The following MAEL variants were observed in gnomAD, a reference collection of about 807,000 sequenced individuals.
The protein encoded by MAEL is protein maelstrom homolog.
A neutral mutation model predicts 62.0 loss-of-function variants in MAEL; 46 were observed. The ratio of observed to expected loss-of-function variants is 0.74; its 90% confidence interval spans 0.59 to 0.95. MAEL has a LOEUF of 0.95. MAEL is among the 40% of genes least tolerant of loss of function. The probability of loss-of-function intolerance (pLI) is 0.00; values close to 1 mark genes in which losing one functional copy is unlikely to be tolerated. For missense variants in MAEL, 497 were observed against 526.8 expected, an observed-to-expected ratio of 0.94 and a Z score of 0.55; for synonymous variants, 172 against 175.5, an observed-to-expected ratio of 0.98 and a Z score of 0.16.
intron 5 of MAEL, among the ~76,000 whole-genome samples, chr1:167,001,981 A>G (rs1664690607): frequency 2.0e-5 from 3 of 152,144 alleles, no homozygotes; most frequent in African/African-American, 7.2e-5. Flanking sequence ...AGGTTTTGCC[A>G]TGTTGGCCAG....
rs552672216 is a variant in MAEL, at chr1:166,993,941, T to C, written c.482-87T>C. 9.6e-6 allele frequency: 9 copies of C among 938,880 alleles called. No individual in the cohort carries two copies. In the South Asian group the frequency reaches 1.3e-4, roughly 14 times the overall value. The allele number at this position is 938,880 out of a possible 1,614,324, so 58.2% of individuals were successfully genotyped here. A position where few individuals can be genotyped will look rare whatever the true frequency, so the allele number is the denominator to read the frequency against. On this transcript the variant is annotated intron_variant, in intron 4 of 11. Coordinates refer to ENST00000367872, the MANE Select transcript of MAEL (RefSeq NM_032858.3). ...ATGTAATAAAAATTACCTTTCTGTG[T>C]GATAACTTGGTCATCTTGTAGAGTA... is the stretch of plus-strand genomic sequence containing the variant.
chr1:166,993,943 A>C, intron 4 of MAEL, 85 bp from the exon 5 acceptor site: 1 of 965,494 alleles, frequency 1.0e-6, no homozygotes, highest in South Asian at 1.6e-5. Context: ...TTTCTGTGTG[A>C]TAACTTGGTC....
intron 2 of MAEL, chr1:166,990,055 C>A (rs2102067979): frequency 2.0e-6 from 1 of 495,172 alleles, no homozygotes. Context: ...GGTGAAAGGC[C>A]TGGGGAATTC....
chr1:167,017,284 TAAAA>T (rs1665436026), intron 9 of MAEL, among the ~76,000 whole-genome samples: 2 of 152,166 alleles, frequency 1.3e-5, no homozygotes, highest in South Asian at 2.1e-4. Flanking sequence ...TCATAAAAAA[TAAAA>T]ATAAAGGTGG....
chr1:167,021,914 A>T lies in MAEL; in HGVS notation c.*59A>T. 8.9e-7 allele frequency: 1 copy of T among 1,118,278 alleles called. No homozygotes were observed. The highest frequency in any genetic ancestry group is 1.3e-6 in the Non-Finnish European group (1 of 760,546). 69.3% of individuals were successfully genotyped at this position (1,118,278 alleles called of 1,614,324 possible). On this transcript the variant is annotated 3_prime_UTR_variant, in exon 12 of 12. Transcript: ENST00000367872. ...ACAGGCCCAACTTCCTTCTTACTACAGTCATATTAAACAGATCACATCAAT... is the reference window on the plus strand; with the variant it reads ...ACAGGCCCAACTTCCTTCTTACTACTGTCATATTAAACAGATCACATCAAT...
intron 4 of MAEL, among the ~76,000 whole-genome samples, chr1:166,993,090 C>A (rs1297613836): frequency 6.6e-6 from 1 of 152,122 alleles, no homozygotes; most frequent in Non-Finnish European, 1.5e-5. Context: ...CAATTCATAG[C>A]CTGCTATTCA....
chr1:167,012,661 A>G (rs1665216853), intron 8 of MAEL: 1 of 152,276 alleles, frequency 6.6e-6, no homozygotes, highest in Non-Finnish European at 1.5e-5. Context: ...AGAAGAATGT[A>G]TAGAAAAGTA....
At chr1:166,988,947 TTGGCATAAAGC>T (rs2102065106), upstream of MAEL, 1 of 183,248 alleles carries the variant, frequency 5.5e-6, no homozygotes, top group African/African-American at 2.3e-5. Flanking sequence ...TTCACAGTGC[TTGGCATAAAGC>T]TGGCTGGCCC....
At position 166,994,087 on chromosome 1, in the gene MAEL, G is replaced by A. The variant is rs1163805078; in HGVS notation, c.523+18G>A. The A allele has an allele frequency of 6.2e-7, 1 of 1,609,172 alleles. No individual in the cohort carries two copies. Among genetic ancestry groups the A allele is most frequent in the East Asian group, 2.2e-5 (1 of 44,724 alleles). ...GGCTGCAAGTAAGTATAAAGGAATG[G>A]GGTAGGATTTGTGACTTGAATCTAT... On this transcript the variant is annotated intron_variant, in intron 5 of 11. Coordinates refer to ENST00000367872, the MANE Select transcript of MAEL (RefSeq NM_032858.3).
chr1:167,002,398 T>A (rs1239902397), intron 5 of MAEL, among the ~76,000 whole-genome samples: 1 of 152,226 alleles, frequency 6.6e-6, no homozygotes, highest in Non-Finnish European at 1.5e-5. Flanking sequence ...TGGATAATCC[T>A]CTTATCGGGA....
chr1:167,006,636 T>TATATATATAC (rs1557982563), intron 8 of MAEL, among the ~76,000 whole-genome samples: 24 of 92,324 alleles, frequency 2.6e-4, no homozygotes, highest in Non-Finnish European at 4.0e-4. Flanking sequence ...TATATATATA[T>TATATATATAC]ACATTTTTTT....
chr1:166,982,113 T>C (rs1663776070), intron 1 of MAEL, among the ~76,000 whole-genome samples: 1 of 152,214 alleles, frequency 6.6e-6, no homozygotes, highest in Admixed American at 6.5e-5. Context: ...TTCACATGTA[T>C]ATTGCAAGCA....
intron 7 of MAEL, 44 bp downstream of exon 7, chr1:167,005,174 T>TA (rs1351840364): frequency 6.2e-7 from 1 of 1,611,460 alleles, no homozygotes; most frequent in Admixed American, 1.7e-5. Context: ...TTATAGTTAA[T>TA]ATCTGTATTT....
At position 166,993,971 on chromosome 1, in the gene MAEL, T is replaced by C; in HGVS notation, c.482-57T>C. 3 of 1,340,236 alleles carry C rather than the reference T, an allele frequency of 2.2e-6. No homozygotes were observed. In the South Asian group the frequency reaches 3.7e-5, roughly 16 times the overall value. 83.0% of individuals were successfully genotyped at this position (1,340,236 alleles called of 1,614,324 possible). A position where few individuals can be genotyped will look rare whatever the true frequency, so the allele number is the denominator to read the frequency against. On this transcript the variant is annotated intron_variant, in intron 4 of 11. Coordinates refer to ENST00000367872, the MANE Select transcript of MAEL (RefSeq NM_032858.3). ...ACTTGGTCATCTTGTAGAGTATTACTGTAGCACTAGAGAACTTTAAAATTT... is the reference window on the plus strand; with the variant it reads ...ACTTGGTCATCTTGTAGAGTATTACCGTAGCACTAGAGAACTTTAAAATTT...
intron 10 of MAEL, among the ~76,000 whole-genome samples, chr1:167,020,423 TACTG>T (rs1325305232): frequency 6.6e-6 from 1 of 152,186 alleles, no homozygotes; most frequent in Non-Finnish European, 1.5e-5. Context: ...TGACCGATCT[TACTG>T]ACTATTCATC....
chr1:166,989,630 C>CT (rs1007487941), intron 1 of MAEL, 107 bp from the exon 2 acceptor site: 5 of 1,462,180 alleles, frequency 3.4e-6, no homozygotes, highest in Non-Finnish European at 4.6e-6. Context: ...CCTGGGCAAA[C>CT]CGACACCAGA....
chr1:167,013,008 A>G (rs1250556790), intron 8 of MAEL, among the ~76,000 whole-genome samples: 1 of 152,164 alleles, frequency 6.6e-6, no homozygotes, highest in Non-Finnish European at 1.5e-5. Context: ...GATGGACTGG[A>G]CCCAGGGAGA....
intron 10 of MAEL, 53 bp downstream of exon 10, chr1:167,018,012 G>A: frequency 6.4e-7 from 1 of 1,555,086 alleles, no homozygotes; most frequent in Non-Finnish European, 8.7e-7. Context: ...TCTACTCAAT[G>A]TGATTCTGGC....
At chr1:167,001,891 C>A (rs539187047) in intron 5 of MAEL, among the ~76,000 whole-genome samples, 1 of 152,214 alleles carries the variant, frequency 6.6e-6, no homozygotes, top group South Asian at 2.1e-4. Flanking sequence ...AAGTGATTCT[C>A]GTGCCTCAGC....
Sources: allele counts gnomAD v4.1 joint callset (sites outside exome capture counted in the v4.1 genomes callset), GRCh38; gene constraint gnomAD v4.1.1; transcripts MANE v1.5; gene names NCBI Gene and HGNC (gene_info 2026-07-23, HGNC 2026-07-21).